MROH1: variants seen among roughly 807,000 people sequenced by gnomAD.
The protein encoded by MROH1 is maestro heat-like repeat-containing protein family member 1.
In MROH1, 117 loss-of-function variants were observed where a neutral mutation model predicts 116.5. That is an observed-to-expected ratio of 1.00 (90% confidence interval 0.86 to 1.17). The LOEUF is 1.17. Among genes scored for constraint, MROH1 ranks in the 50% most tolerant of loss-of-function variants. MROH1 has a pLI of 0.00. For missense variants in MROH1, 1,873 were observed against 1,338.5 expected (o/e 1.40, Z -6.23); for synonymous variants, 921 against 583.9 (o/e 1.58, Z -8.32).
chr8:144,243,344 T>C, intron 24 of MROH1, 150 bp from the exon 25 acceptor site: 1 of 668,806 alleles, frequency 1.5e-6, no homozygotes, highest in Admixed American at 2.1e-5. Context: ...TTCTTCCACA[T>C]GGACTTTGAT....
In MROH1 at chr8:144,190,776, T is replaced by C. The variant is rs1166702761; in HGVS notation, c.563-8T>C. ...CCTGCAGCCACTTACCACTGGCCGG[T>C]TTTGTAGCTCTGCAGCGCTTCAGCG... On this transcript the variant is annotated splice_polypyrimidine_tract_variant and splice_region_variant and intron_variant, in intron 7 of 43. Transcript: ENST00000326134. 2 of 1,611,370 alleles carry C rather than the reference T, an allele frequency of 1.2e-6. No individual in the cohort carries two copies. Among genetic ancestry groups the C allele is most frequent in the Non-Finnish European group, 1.7e-6 (2 of 1,178,460 alleles).
intron 29 of MROH1, 40 bp downstream of exon 29, chr8:144,245,300 G>T: frequency 1.3e-6 from 1 of 771,270 alleles, no homozygotes. Context: ...TGCTGCCTGT[G>T]TTACTCATGA....
chr8:144,227,577 A>G (rs1157705850), intron 14 of MROH1, among the ~76,000 whole-genome samples: 1 of 151,394 alleles, frequency 6.6e-6, no homozygotes, highest in Non-Finnish European at 1.5e-5. Context: ...CCTGGGAGGC[A>G]GAGGTTGCAG....
intron 12 of MROH1, among the ~76,000 whole-genome samples, chr8:144,210,863 G>A (rs138834259): frequency 2.0e-5 from 3 of 152,186 alleles, no homozygotes; most frequent in East Asian, 1.9e-4. Flanking sequence ...CATCTTAATC[G>A]TTTTTAAGCA....
At position 144,242,410 on chromosome 8, in the gene MROH1, G is replaced by A. The variant is rs1213435737; in HGVS notation, c.2220G>A (p.Leu740=). The change falls in exon 23 of 44, where the codon CTG becomes CTA. Residue 740 remains leucine, a synonymous_variant. Coordinates refer to ENST00000326134, the MANE Select transcript of MROH1 (RefSeq NM_032450.3). ...ENEVEKVKSA[L]ILCYGHVAAR... ...AAGTGGAGAAGGTGAAGAGTGCTCT[G>A]ATCCTGTGCTATGGGCACGTGGCGG... 4 of 780,616 alleles carry A rather than the reference G, an allele frequency of 5.1e-6. No individual in the cohort carries two copies. Among genetic ancestry groups the A allele is most frequent in the Non-Finnish European group, 7.2e-6 (3 of 417,838 alleles). 48.4% of individuals were successfully genotyped at this position (780,616 alleles called of 1,614,324 possible). A position where few individuals can be genotyped will look rare whatever the true frequency, so the allele number is the denominator to read the frequency against.
intron 1 of MROH1, among the ~76,000 whole-genome samples, chr8:144,149,109 G>A (rs1422216910): frequency 3.3e-5 from 5 of 152,244 alleles, no homozygotes; most frequent in Middle Eastern, 3.4e-3. Context: ...GAGATGTCCC[G>A]AAGACCTCGG....
intron 22 of MROH1, among the ~76,000 whole-genome samples, chr8:144,242,020 C>T (rs966105811): frequency 5.9e-5 from 9 of 152,374 alleles, no homozygotes; most frequent in African/African-American, 1.9e-4. Flanking sequence ...TGATCTGCAG[C>T]GAGCAAGGGT....
chr8:144,194,855 C>T (rs1829443780), intron 10 of MROH1, among the ~76,000 whole-genome samples: 1 of 151,860 alleles, frequency 6.6e-6, no homozygotes, highest in Admixed American at 6.6e-5. Flanking sequence ...CTGCAGTGAG[C>T]CATGATCATG....
Position 144,220,636 on chromosome 8 carries a change from C to T in MROH1, c.1178C>T (p.Ser393Phe). The T allele has an allele frequency of 6.3e-7, 1 of 1,579,768 alleles. No individual in the cohort carries two copies. Among genetic ancestry groups the T allele is most frequent in the Non-Finnish European group, 8.6e-7 (1 of 1,162,882 alleles). ...GAAGATAAAAAGCCCTTTATCCTGT[C>T]TTCCATGAGGCTTCCTCTCCTGGAC... Reference protein sequence around the residue: ...QMEDKKPFILSSMRLPLLDTN... With the variant: ...QMEDKKPFILFSMRLPLLDTN... The change falls in exon 13 of 44, where the codon TCT becomes TTT. Residue 393 changes from serine (S) to phenylalanine (F), a missense_variant. Physicochemically the swap from Ser to Phe is radical, Grantham distance 155. Transcript: ENST00000326134.
chr8:144,215,456 T>C (rs1835019350), intron 12 of MROH1, among the ~76,000 whole-genome samples: 1 of 152,140 alleles, frequency 6.6e-6, no homozygotes, highest in Non-Finnish European at 1.5e-5. Context: ...ACAAAAACCA[T>C]TGTTAGTGAG....
At chr8:144,192,195 C>T (rs942119936) in intron 9 of MROH1, 114 bp from the exon 10 acceptor site, 1 of 865,456 alleles carries the variant, frequency 1.2e-6, no homozygotes, top group Non-Finnish European at 1.7e-6. Flanking sequence ...AGGTGGGGCC[C>T]ATGTCCTCCT....
rs140181981 is a variant in MROH1, at chr8:144,219,718, T to C, written c.1142-882T>C. On this transcript the variant is annotated intron_variant, in intron 12 of 43. Transcript: ENST00000326134. ...ATTGGGATCCCAAAGAAGCACTAAA[T>C]GCCAGCTCAGAGCATTAATTAGGGG... 9.7e-4 allele frequency among the ~76,000 whole-genome samples: 147 copies of C among 152,272 alleles called. 2 individuals are homozygous for C. The East Asian group carries it at 0.024, about 24-fold the overall frequency.
In MROH1 at chr8:144,248,890, G is replaced by T; in HGVS notation, c.3134G>T (p.Arg1045Leu). The change falls in exon 32 of 44, where the codon CGC becomes CTC. Residue 1045 changes from arginine (R) to leucine (L), a missense_variant. By Grantham distance (102) the Arg-to-Leu change is moderately radical. Transcript: ENST00000326134. ...CHSVGQIIAKRLPPDQLISLL... is the reference protein window; with the variant it reads ...CHSVGQIIAKLLPPDQLISLL... ...CCTTCCTCCTAGATTATTGCCAAGC[G>T]CCTCCCCCCAGACCAGCTCATCAGC... The T allele has an allele frequency of 1.3e-6, 1 of 778,854 alleles. No individual in the cohort carries two copies. The highest frequency in any genetic ancestry group is 2.4e-5 in the East Asian group (1 of 41,178). The allele number at this position is 778,854 out of a possible 1,614,324, so 48.2% of individuals were successfully genotyped here. A position where few individuals can be genotyped will look rare whatever the true frequency, so the allele number is the denominator to read the frequency against.
At chr8:144,149,461 G>T (rs2130371584) in intron 1 of MROH1, among the ~76,000 whole-genome samples, 1 of 152,288 alleles carries the variant, frequency 6.6e-6, no homozygotes, top group Non-Finnish European at 1.5e-5. Context: ...GGGGTCAGAG[G>T]TGGAGGCTGT....
At chr8:144,226,826 T>C (rs1837914260) in intron 14 of MROH1, among the ~76,000 whole-genome samples, 2 of 152,194 alleles carry the variant, frequency 1.3e-5, no homozygotes, top group Admixed American at 1.3e-4. Flanking sequence ...GTTTTGGCTA[T>C]TTTAGTTCCT....
chr8:144,194,896 A>G (rs1320328659), intron 10 of MROH1, among the ~76,000 whole-genome samples: 1 of 151,868 alleles, frequency 6.6e-6, no homozygotes. Context: ...TGACAGAGCA[A>G]GACCTTGTCT....
intron 37 of MROH1, 48 bp from the exon 38 acceptor site, chr8:144,259,863 G>C: frequency 1.4e-6 from 1 of 717,968 alleles, no homozygotes; most frequent in Non-Finnish European, 2.6e-6. Context: ...GGTGGGTTGA[G>C]CCCTGGGGTC....
At chr8:144,218,071 C>T (rs138750701) in intron 12 of MROH1, among the ~76,000 whole-genome samples, 1,546 of 152,234 alleles carry the variant, frequency 0.01, 23 homozygotes, top group African/African-American at 0.035. Flanking sequence ...TGTGTTAGTG[C>T]CCGTCTACTC....
Position 144,168,547 on chromosome 8 carries a change from C to G in MROH1, c.168+107C>G, listed in dbSNP as rs980741802. 15 of 1,368,424 alleles carry G rather than the reference C, an allele frequency of 1.1e-5. No individual in the cohort carries two copies. The Admixed American group carries it at 3.4e-4, about 31-fold the overall frequency. The allele number at this position is 1,368,424 out of a possible 1,614,324, so 84.8% of individuals were successfully genotyped here. A position where few individuals can be genotyped will look rare whatever the true frequency, so the allele number is the denominator to read the frequency against. ...GCCAGGAGCAGTGGGTCGGGTGTTA[C>G]GCAGGGGTGGCCACATGTCTAACCC... On this transcript the variant is annotated intron_variant, in intron 4 of 43. Transcript: ENST00000326134.
Sources: gnomAD v4.1 joint callset for allele counts (sites outside exome capture counted in the v4.1 genomes callset) on GRCh38, gnomAD v4.1.1 for gene constraint, MANE v1.5 for transcripts, NCBI Gene and HGNC (gene_info 2026-07-23, HGNC 2026-07-21) for gene names.